The following CNTN3 variants were observed in gnomAD, a reference collection of about 807,000 sequenced individuals.
The protein encoded by CNTN3 is contactin 3, also known as contactin-3.
Under a neutral mutation model 119.1 loss-of-function variants are expected in CNTN3, and 60 were observed. That is an observed-to-expected ratio of 0.50 (90% confidence interval 0.41 to 0.62). CNTN3 has a LOEUF of 0.62. Ranked by LOEUF, CNTN3 falls within the 20% of genes least tolerant of loss-of-function variation. The probability of loss-of-function intolerance (pLI) is 0.00; values close to 1 mark genes in which losing one functional copy is unlikely to be tolerated. For synonymous variants in CNTN3, 450 were observed against 438.7 expected, an observed-to-expected ratio of 1.03 and a Z score of -0.32; for missense variants, 1,101 against 1,242.4, an observed-to-expected ratio of 0.89 and a Z score of 1.71.
intron 13 of CNTN3, among the ~76,000 whole-genome samples, chr3:74,322,559 A>G (rs147820606): frequency 3.9e-4 from 59 of 152,348 alleles, no homozygotes; most frequent in African/African-American, 1.3e-3. Flanking sequence ...GCAAAATGTT[A>G]TAGCCATTCT....
chr3:74,363,523 C>T (rs1416035726), intron 10 of CNTN3, among the ~76,000 whole-genome samples: 1 of 152,114 alleles, frequency 6.6e-6, no homozygotes, highest in African/African-American at 2.4e-5. Context: ...TTGAGAAACA[C>T]TGACTTAAAT....
chr3:74,313,001 A>C (rs1475232142), intron 13 of CNTN3, among the ~76,000 whole-genome samples: 1 of 152,130 alleles, frequency 6.6e-6, no homozygotes, highest in East Asian at 1.9e-4. Context: ...AAAAACAAAA[A>C]AAAAAAGGTT....
intron 2 of CNTN3, among the ~76,000 whole-genome samples, chr3:74,514,589 A>G (rs1284198179): frequency 3.9e-5 from 6 of 151,942 alleles, no homozygotes; most frequent in African/African-American, 1.4e-4. Flanking sequence ...AGATAAAATG[A>G]CTCTATCTTC....
intron 4 of CNTN3, among the ~76,000 whole-genome samples, chr3:74,440,082 T>G (rs1701936202): frequency 6.6e-6 from 1 of 152,216 alleles, no homozygotes; most frequent in Admixed American, 6.5e-5. Context: ...CTGGCTTCCA[T>G]TAGTTATCAC....
At chr3:74,608,428 C>T (rs1442778968) in intron 1 of CNTN3, among the ~76,000 whole-genome samples, 4 of 152,140 alleles carry the variant, frequency 2.6e-5, no homozygotes, top group Non-Finnish European at 5.9e-5. Context: ...GCTAATGTTT[C>T]ACTCCAATAA....
In CNTN3 at chr3:74,266,472, C is replaced by T. The variant is rs1183170800; in HGVS notation, c.2986+9G>A. ...TCAATAAAGTAAATAATGGCTTCAA[C>T]CAACTTACTGGTTATTCGTGGAATC... On this transcript the variant is annotated intron_variant, in intron 22 of 22. Transcript: ENST00000263665. The T allele has an allele frequency of 6.2e-7, 1 of 1,611,588 alleles. No individual in the cohort carries two copies. The highest frequency in any genetic ancestry group is 1.7e-5 in the Admixed American group (1 of 59,942).
At chr3:74,414,489 T>C (rs1701488119) in intron 5 of CNTN3, among the ~76,000 whole-genome samples, 3 of 152,210 alleles carry the variant, frequency 2.0e-5, no homozygotes, top group Admixed American at 2.0e-4. Flanking sequence ...TTTCAAAGTA[T>C]GGCTTAAAAA....
rs2106724124 is a variant in CNTN3, at chr3:74,614,384, G to T, written c.-81+7C>A. ...CCGGCGCCAGGAGTCGGGCATCCCG[G>T]ACTTACCTGGTCTCTGCAGCTCGCC... is the stretch of plus-strand genomic sequence containing the variant. On this transcript the variant is annotated splice_region_variant and intron_variant, in intron 1 of 22. Coordinates refer to ENST00000263665, the MANE Select transcript of CNTN3 (RefSeq NM_020872.3). Among the ~76,000 whole-genome samples, 2 of 151,648 alleles carry T rather than the reference G, an allele frequency of 1.3e-5. No homozygotes were observed. The highest frequency in any genetic ancestry group is 4.2e-4 in the South Asian group (2 of 4,818).
In CNTN3 at chr3:74,301,537, G is replaced by A. The variant is rs1256655042; in HGVS notation, c.1956C>T (p.Val652=). 2.5e-6 allele frequency: 4 copies of A among 1,613,824 alleles called. No homozygotes were observed. The highest frequency in any genetic ancestry group is 3.4e-6 in the Non-Finnish European group (4 of 1,179,918). Residue 652 remains valine (V), a synonymous_variant, in exon 16 of 23, where the codon GTC becomes GTT. Coordinates refer to ENST00000263665, the MANE Select transcript of CNTN3 (RefSeq NM_020872.3). The part of the protein sequence containing the change: ...GWQTVTTVPE[V]IDGKTHTATV... ...TGGCTGTGTGCGTCTTCCCATCGAT[G>A]ACCTCAGGCACTACAAAGGAATATT...
chr3:74,380,693 G>C (rs1704593651), intron 5 of CNTN3, among the ~76,000 whole-genome samples: 1 of 152,166 alleles, frequency 6.6e-6, no homozygotes, highest in Non-Finnish European at 1.5e-5. Context: ...ACTCCAGAGA[G>C]GGGCTTCATC....
chr3:74,311,752 T>C (rs1017270625), intron 13 of CNTN3, among the ~76,000 whole-genome samples: 2 of 152,196 alleles, frequency 1.3e-5, no homozygotes, highest in African/African-American at 4.8e-5. Context: ...CACTCTCTCC[T>C]AACAACAAAT....
At chr3:74,585,839 A>G (rs1575847552) in intron 1 of CNTN3, among the ~76,000 whole-genome samples, 1 of 152,154 alleles carries the variant, frequency 6.6e-6, no homozygotes, top group Admixed American at 6.6e-5. Context: ...AAATGGATCT[A>G]TTCATGTCCA....
intron 5 of CNTN3, among the ~76,000 whole-genome samples, chr3:74,399,960 GT>G (rs1424584383): frequency 6.6e-6 from 1 of 152,226 alleles, no homozygotes; most frequent in Admixed American, 6.5e-5. Flanking sequence ...TCTTACTGAT[GT>G]TTTTATCCTT....
intron 4 of CNTN3, among the ~76,000 whole-genome samples, chr3:74,459,270 A>T (rs2106968648): frequency 6.6e-6 from 1 of 152,002 alleles, no homozygotes; most frequent in Admixed American, 6.6e-5. Flanking sequence ...ACTCTTCCTC[A>T]TGCCGAATCA....
chr3:74,583,741 C>G (rs2106672604), intron 1 of CNTN3, among the ~76,000 whole-genome samples: 1 of 152,250 alleles, frequency 6.6e-6, no homozygotes, highest in African/African-American at 2.4e-5. Flanking sequence ...CTTTAATTTT[C>G]AAAAATGAAA....
At chr3:74,285,220 T>A in intron 20 of CNTN3, 85 bp downstream of exon 20, 1 of 1,366,206 alleles carries the variant, frequency 7.3e-7, no homozygotes, top group Non-Finnish European at 1.0e-6. Flanking sequence ...ATGACTTGGG[T>A]TGTCCATTTC....
intron 5 of CNTN3, among the ~76,000 whole-genome samples, chr3:74,398,210 G>C (rs1705103722): frequency 6.6e-6 from 1 of 152,110 alleles, no homozygotes; most frequent in South Asian, 2.1e-4. Flanking sequence ...TGCATGCTAT[G>C]GATAAATCTT....
At chr3:74,405,401 C>T (rs1457419582) in intron 5 of CNTN3, among the ~76,000 whole-genome samples, 1 of 151,638 alleles carries the variant, frequency 6.6e-6, no homozygotes, top group Non-Finnish European at 1.5e-5. Context: ...CTTGTTCCTA[C>T]AGAATAACTA....
At chr3:74,523,675 T>C (rs575648934) in intron 1 of CNTN3, among the ~76,000 whole-genome samples, 14 of 151,982 alleles carry the variant, frequency 9.2e-5, no homozygotes, top group Non-Finnish European at 1.5e-4. Context: ...TAGCAAACAA[T>C]TGTGCAGTAA....
Sources: gnomAD v4.1 joint callset for allele counts (sites outside exome capture counted in the v4.1 genomes callset) on GRCh38, gnomAD v4.1.1 for gene constraint, MANE v1.5 for transcripts, NCBI Gene and HGNC (gene_info 2026-07-23, HGNC 2026-07-21) for gene names.